Variants in ABCB4 observed in about 807,000 individuals in gnomAD.
ABCB4 encodes the protein ATP binding cassette subfamily B member 4, also known as phosphatidylcholine translocator ABCB4.
A neutral mutation model predicts 145.7 loss-of-function variants in ABCB4; 76 were observed. The ratio of observed to expected loss-of-function variants is 0.52; its 90% CI spans 0.43 to 0.63. ABCB4 has a LOEUF of 0.63. Ranked by LOEUF, ABCB4 falls within the 30% of genes least tolerant of loss-of-function variation. The pLI, the probability that ABCB4 is intolerant of heterozygous loss-of-function variation, is 0.00. For synonymous variants in ABCB4, 517 were observed against 566.8 expected (o/e 0.91, Z 1.25); for missense variants, 1,234 against 1,553.1 (o/e 0.79, Z 3.45).
chr7:87,454,740 A>C, intron 4 of ABCB4, 148 bp from the exon 5 acceptor site: 2 of 662,548 alleles, frequency 3.0e-6, no homozygotes, highest in South Asian at 3.9e-5. Context: ...TTTTCTTTGC[A>C]CACTTAAGTG....
chr7:87,408,360 T>C, intron 24 of ABCB4, 126 bp from the exon 25 acceptor site: 1 of 993,748 alleles, frequency 1.0e-6, no homozygotes, highest in Non-Finnish European at 1.5e-6. Flanking sequence ...TTGGTATAGT[T>C]CTGGTGCCAG....
chr7:87,472,962 T>C (rs573281119), intron 2 of ABCB4, among the ~76,000 whole-genome samples: 4 of 152,354 alleles, frequency 2.6e-5, no homozygotes, highest in Admixed American at 2.6e-4. Context: ...TCAATTAAGT[T>C]ATTTGTTTTC....
chr7:87,466,247 C>G (rs1017090525), intron 3 of ABCB4, among the ~76,000 whole-genome samples: 1 of 152,004 alleles, frequency 6.6e-6, no homozygotes. Flanking sequence ...AACTATGTGA[C>G]GAAAGCACAA....
At chr7:87,382,387 C>T in the ABCB4 span, 22 of 1,601,464 alleles carry the variant, frequency 1.4e-5, no homozygotes, top group Middle Eastern at 1.7e-4. Context: ...GATTTTTCAC[C>T]GTTCTCATTT....
At chr7:87,399,657 A>G (rs1454415499), downstream of ABCB4, 1 of 152,198 alleles carries the variant, frequency 6.6e-6, no homozygotes, top group East Asian at 1.9e-4. Context: ...AGTGACTTTT[A>G]AAGGATTAAT....
chr7:87,475,749 G>T, upstream of ABCB4: 1 of 327,874 alleles, frequency 3.0e-6, no homozygotes, highest in South Asian at 5.5e-5. Context: ...CCCCACGCGC[G>T]TCCGGCCCGG....
intron 23 of ABCB4, among the ~76,000 whole-genome samples, chr7:87,410,493 C>A (rs1188232884): frequency 6.6e-6 from 1 of 152,076 alleles, no homozygotes; most frequent in Non-Finnish European, 1.5e-5. Context: ...AAGCTGTCTT[C>A]TAGGTTTCCA....
At chr7:87,393,163 G>T in the ABCB4 span, 2 of 1,305,240 alleles carry the variant, frequency 1.5e-6, no homozygotes, top group Non-Finnish European at 2.1e-6. Flanking sequence ...TTCTTATATT[G>T]CCATCTGTCA....
chr7:87,381,404 T>C, the ABCB4 span, among the ~76,000 whole-genome samples: 4 of 152,200 alleles, frequency 2.6e-5, no homozygotes, highest in African/African-American at 7.2e-5. Flanking sequence ...AATTATCACA[T>C]TGGGACATTC....
At chr7:87,472,493 G>T in intron 3 of ABCB4, 128 bp downstream of exon 3, 1 of 820,698 alleles carries the variant, frequency 1.2e-6, no homozygotes, top group Non-Finnish European at 2.0e-6. Context: ...CAAAGTGCTG[G>T]GATTACAAGT....
chr7:87,393,147 C>A, the ABCB4 span: 1 of 1,429,314 alleles, frequency 7.0e-7, no homozygotes, highest in Non-Finnish European at 9.5e-7. Context: ...CTTTCCTACA[C>A]TGTGATTCTT....
At chr7:87,470,024 T>G (rs1357225560) in intron 3 of ABCB4, among the ~76,000 whole-genome samples, 1 of 152,118 alleles carries the variant, frequency 6.6e-6, no homozygotes, top group African/African-American at 2.4e-5. Flanking sequence ...AACAGAGATA[T>G]AGACCAATGG....
intron 3 of ABCB4, among the ~76,000 whole-genome samples, chr7:87,466,024 C>T (rs1812869989): frequency 6.6e-6 from 1 of 152,186 alleles, no homozygotes; most frequent in Admixed American, 6.5e-5. Flanking sequence ...AGCTCCTCAC[C>T]AGCAATGGAA....
At chr7:87,454,405 G>T in intron 5 of ABCB4, 130 bp downstream of exon 5, 1 of 729,612 alleles carries the variant, frequency 1.4e-6, no homozygotes, top group Non-Finnish European at 2.3e-6. Flanking sequence ...ATTGGGATTT[G>T]GGAGCAAAAA....
intron 5 of ABCB4, among the ~76,000 whole-genome samples, chr7:87,454,039 A>G (rs553024467): frequency 6.6e-6 from 1 of 152,350 alleles, no homozygotes; most frequent in African/African-American, 2.4e-5. Flanking sequence ...TAATAAGTAC[A>G]TATCAATACT....
the ABCB4 span, among the ~76,000 whole-genome samples, chr7:87,367,923 A>T: frequency 2.6e-5 from 4 of 152,160 alleles, no homozygotes; most frequent in African/African-American, 9.7e-5. Flanking sequence ...CACCCTTGTA[A>T]TCTGTTCTCC....
At position 87,401,982 on chromosome 7, in the gene ABCB4, G is replaced by A. The variant is rs1372725546; in HGVS notation, c.*114C>T. ...AAATTGGGTCTTCTAAATTGATCTA[G>A]AATGAGACAGACATACCTATGTTTT... On this transcript the variant is annotated 3_prime_UTR_variant, in exon 28 of 28. Transcript: ENST00000649586. 1.4e-6 allele frequency: 2 copies of A among 1,414,874 alleles called. No homozygotes were observed. The highest frequency in any genetic ancestry group is 2.5e-5 in the South Asian group (2 of 81,460). The allele number at this position is 1,414,874 out of a possible 1,614,324, so 87.6% of individuals were successfully genotyped here. A position where few individuals can be genotyped will look rare whatever the true frequency, so the allele number is the denominator to read the frequency against.
chr7:87,407,270 AT>A (rs1309783401), intron 25 of ABCB4, among the ~76,000 whole-genome samples: 1 of 152,158 alleles, frequency 6.6e-6, no homozygotes, highest in Non-Finnish European at 1.5e-5. Context: ...AGCACACCAT[AT>A]TTACAGAGTT....
intron 14 of ABCB4, among the ~76,000 whole-genome samples, chr7:87,434,628 G>T (rs565680829): frequency 3.3e-5 from 5 of 152,082 alleles, no homozygotes; most frequent in Non-Finnish European, 7.4e-5. Context: ...TGTGACTGTA[G>T]TCCCAGATAC....
Sources: allele counts gnomAD v4.1 joint callset (sites outside exome capture counted in the v4.1 genomes callset), GRCh38; gene constraint gnomAD v4.1.1; transcripts MANE v1.5; gene names NCBI Gene and HGNC (gene_info 2026-07-23, HGNC 2026-07-21).